The following CLEC16A variants were observed in gnomAD, a reference collection of about 807,000 sequenced individuals.
CLEC16A encodes the protein protein CLEC16A.
CLEC16A carries 51 observed loss-of-function variants against 109.5 expected under a neutral mutation model. That is an observed-to-expected ratio of 0.47 (90% CI 0.37 to 0.59). The LOEUF is 0.59. Ranked by LOEUF, CLEC16A falls within the 20% of genes least tolerant of loss-of-function variation. The pLI, the probability that CLEC16A is intolerant of heterozygous loss-of-function variation, is 0.00. For missense variants in CLEC16A, 1,339 were observed against 1,394.0 expected (o/e 0.96, Z 0.63); for synonymous variants, 673 against 564.2 (o/e 1.19, Z -2.73).
rs2042445573 is a variant in CLEC16A, at chr16:10,965,250, A to G, written c.343+2662A>G. On this transcript the variant is annotated intron_variant, in intron 3 of 23. Transcript: ENST00000409790. ...CAGTGCTTTTATAAGCCCTGCAAAA[A>G]GGGTAGAAATCATTGCACGTTTACA... Among the ~76,000 whole-genome samples, 4 of 152,240 alleles carry G rather than the reference A, an allele frequency of 2.6e-5. No individual in the cohort carries two copies. The South Asian group carries it at 8.3e-4, about 32-fold the overall frequency.
chr16:11,162,782 T>C (rs556500580), intron 22 of CLEC16A, among the ~76,000 whole-genome samples: 84 of 152,208 alleles, frequency 5.5e-4, no homozygotes, highest in African/African-American at 1.5e-3. Flanking sequence ...CTTGGACTTA[T>C]CAGCTGTCTT....
chr16:11,123,412 G>C (rs1052098073), intron 20 of CLEC16A, among the ~76,000 whole-genome samples: 12 of 152,180 alleles, frequency 7.9e-5, no homozygotes, highest in Admixed American at 5.9e-4. Context: ...TGCCTGTGGT[G>C]TTACCTGTGG....
chr16:11,109,042 C>T (rs1180799523), intron 19 of CLEC16A, among the ~76,000 whole-genome samples: 3 of 130,772 alleles, frequency 2.3e-5, no homozygotes, highest in Non-Finnish European at 4.6e-5. Flanking sequence ...ACCCGGGAGG[C>T]GGAGCTTGCA....
intron 22 of CLEC16A, among the ~76,000 whole-genome samples, chr16:11,158,372 C>A (rs549949627): frequency 6.6e-6 from 1 of 152,316 alleles, no homozygotes; most frequent in Admixed American, 6.5e-5. Flanking sequence ...CCCGAATCAG[C>A]CCTCAGCGGG....
At position 10,988,475 on chromosome 16, in the gene CLEC16A, C is replaced by T. The variant is rs2043804761; in HGVS notation, c.1071+5484C>T. Among the ~76,000 whole-genome samples, 4 of 152,126 alleles carry T rather than the reference C, an allele frequency of 2.6e-5. No homozygotes were observed. The South Asian group carries it at 8.3e-4, about 32-fold the overall frequency. On this transcript the variant is annotated intron_variant, in intron 10 of 23. Transcript: ENST00000409790. ...GCCATCATGGGGCTTGCCAGAGATG[C>T]CCAGGGAGGTGTTCGGTGCAGGAGT...
intron 18 of CLEC16A, among the ~76,000 whole-genome samples, chr16:11,054,219 C>T (rs1019791297): frequency 2.0e-5 from 3 of 152,206 alleles, no homozygotes; most frequent in Non-Finnish European, 4.4e-5. Flanking sequence ...GGCAGATGGT[C>T]CTGATCCACA....
chr16:11,069,642 A>T (rs942809908), intron 19 of CLEC16A, among the ~76,000 whole-genome samples: 2 of 151,564 alleles, frequency 1.3e-5, no homozygotes, highest in African/African-American at 4.9e-5. Flanking sequence ...GGGTCTCACT[A>T]TGTTGCCCAG....
At chr16:11,124,599 G>A (rs143304882) in intron 21 of CLEC16A, among the ~76,000 whole-genome samples, 4 of 152,344 alleles carry the variant, frequency 2.6e-5, no homozygotes, top group Non-Finnish European at 4.4e-5. Context: ...TGAGGGAGAT[G>A]CGTTCATTGG....
intron 4 of CLEC16A, among the ~76,000 whole-genome samples, chr16:10,970,134 C>T (rs918785460): frequency 6.6e-6 from 1 of 152,186 alleles, no homozygotes; most frequent in Non-Finnish European, 1.5e-5. Context: ...GCTGGTTCAT[C>T]CTGTGGTTCA....
At chr16:11,074,041 C>G (rs1024415411) in intron 19 of CLEC16A, among the ~76,000 whole-genome samples, 1 of 152,246 alleles carries the variant, frequency 6.6e-6, no homozygotes, top group African/African-American at 2.4e-5. Context: ...TACCAAGTAT[C>G]TTAAACCCAT....
chr16:10,970,730 C>T (rs1481859232), intron 4 of CLEC16A, among the ~76,000 whole-genome samples: 1 of 152,194 alleles, frequency 6.6e-6, no homozygotes, highest in African/African-American at 2.4e-5. Flanking sequence ...CTACTACTAC[C>T]ACTACTACTG....
intron 12 of CLEC16A, among the ~76,000 whole-genome samples, chr16:11,022,926 T>G (rs1597089814): frequency 1.3e-5 from 2 of 148,900 alleles, no homozygotes; most frequent in East Asian, 3.9e-4. Context: ...TATATATATG[T>G]ATATATAGGC....
At chr16:10,984,576 A>C (rs935884534) in intron 10 of CLEC16A, among the ~76,000 whole-genome samples, 10 of 152,196 alleles carry the variant, frequency 6.6e-5, no homozygotes, top group African/African-American at 2.4e-4. Flanking sequence ...AAAGGGAAGA[A>C]GTGTTTGGTG....
chr16:11,137,091 C>T (rs991278057), intron 22 of CLEC16A, among the ~76,000 whole-genome samples: 2 of 152,214 alleles, frequency 1.3e-5, no homozygotes, highest in Non-Finnish European at 2.9e-5. Flanking sequence ...GTACAGAAGT[C>T]ATCAGAGAGC....
At chr16:10,947,916 A>C (rs906863873) in intron 1 of CLEC16A, among the ~76,000 whole-genome samples, 18 of 100,822 alleles carry the variant, frequency 1.8e-4, no homozygotes, top group Middle Eastern at 0.01. Flanking sequence ...TTTTTGAGAT[A>C]AGAGTCTTGC....
chr16:11,159,383 T>TC (rs1438779252), intron 22 of CLEC16A, among the ~76,000 whole-genome samples: 2 of 152,218 alleles, frequency 1.3e-5, no homozygotes, highest in Non-Finnish European at 2.9e-5. Flanking sequence ...CTCCAGCCCC[T>TC]CCTCATTACA....
chr16:11,082,731 A>G (rs2049796021), intron 19 of CLEC16A, among the ~76,000 whole-genome samples: 1 of 152,206 alleles, frequency 6.6e-6, no homozygotes, highest in African/African-American at 2.4e-5. Context: ...TTAAGGCCTA[A>G]GACTCACAGC....
At chr16:11,150,609 G>A (rs1024398240) in intron 22 of CLEC16A, among the ~76,000 whole-genome samples, 2 of 152,240 alleles carry the variant, frequency 1.3e-5, no homozygotes, top group Admixed American at 6.5e-5. Context: ...GCACTTCCCT[G>A]TACTGTAAAA....
At chr16:10,953,956 G>A (rs1368763642) in intron 1 of CLEC16A, among the ~76,000 whole-genome samples, 2 of 140,024 alleles carry the variant, frequency 1.4e-5, no homozygotes, top group Non-Finnish European at 3.1e-5. Context: ...CAGCCTGGGC[G>A]ACAGAGCAAG....
Sources: gnomAD v4.1 joint callset for allele counts (sites outside exome capture counted in the v4.1 genomes callset) on GRCh38, gnomAD v4.1.1 for gene constraint, MANE v1.5 for transcripts, NCBI Gene and HGNC (gene_info 2026-07-23, HGNC 2026-07-21) for gene names.